The following VPS50 variants were observed in gnomAD, a reference collection of about 807,000 sequenced individuals.
VPS50 encodes the protein syndetin.
VPS50 carries 70 observed loss-of-function variants against 139.7 expected under a neutral mutation model. The observed-to-expected ratio is 0.50, with a 90% CI of 0.41 to 0.61. VPS50 has a LOEUF of 0.61. Among genes scored for constraint, VPS50 ranks in the 20% least tolerant of loss-of-function variants. The probability of loss-of-function intolerance (pLI) is 0.00; values close to 1 mark genes in which losing one functional copy is unlikely to be tolerated. For synonymous variants in VPS50, 365 were observed against 376.7 expected (o/e 0.97, Z 0.36); for missense variants, 921 against 1,133.7 (o/e 0.81, Z 2.69).
At position 93,309,891 on chromosome 7, in the gene VPS50, T is replaced by C. The variant is rs75394122; in HGVS notation, c.1748+949T>C. ...ATTCTTAATGATAAGTATATTCTTATCGTTTAACCCTAAGCTACCTATTTA... is the reference window on the plus strand; with the variant it reads ...ATTCTTAATGATAAGTATATTCTTACCGTTTAACCCTAAGCTACCTATTTA... On this transcript the variant is annotated intron_variant, in intron 19 of 27. Coordinates refer to ENST00000305866, the MANE Select transcript of VPS50 (RefSeq NM_017667.4). Among the ~76,000 whole-genome samples, 879 of 152,134 alleles carry C rather than the reference T, an allele frequency of 5.8e-3. 10 individuals are homozygous for C. Among genetic ancestry groups the C allele is most frequent in the African/African-American group, 0.02 (833 of 41,544 alleles).
At chr7:93,261,452 C>T (rs889838920) in intron 9 of VPS50, among the ~76,000 whole-genome samples, 2 of 151,864 alleles carry the variant, frequency 1.3e-5, no homozygotes, top group Admixed American at 6.6e-5. Context: ...CCGAGGCGGG[C>T]GGATCACGAG....
At chr7:93,306,329 T>A (rs556789642) in intron 18 of VPS50, among the ~76,000 whole-genome samples, 2 of 151,952 alleles carry the variant, frequency 1.3e-5, no homozygotes, top group African/African-American at 2.4e-5. Context: ...TGTGATATAT[T>A]GTGAGATGAC....
intron 8 of VPS50, among the ~76,000 whole-genome samples, chr7:93,258,734 T>C (rs561614840): frequency 6.6e-6 from 1 of 152,204 alleles, no homozygotes; most frequent in East Asian, 1.9e-4. Flanking sequence ...TTTAGTTTTG[T>C]TCAGTATCAT....
intron 20 of VPS50, among the ~76,000 whole-genome samples, chr7:93,317,344 G>A (rs574027022): frequency 6.6e-6 from 1 of 152,218 alleles, no homozygotes; most frequent in Admixed American, 6.5e-5. Flanking sequence ...AAGGTCAGGA[G>A]TTCAAGAGCA....
intron 18 of VPS50, among the ~76,000 whole-genome samples, chr7:93,307,674 A>T (rs1797155050): frequency 6.6e-6 from 1 of 151,972 alleles, no homozygotes. Context: ...TGTGGTCACA[A>T]ACCTCTGTTG....
intron 20 of VPS50, among the ~76,000 whole-genome samples, chr7:93,316,449 G>A (rs932073426): frequency 3.3e-5 from 5 of 152,172 alleles, no homozygotes; most frequent in Admixed American, 2.0e-4. Flanking sequence ...GCAGACTGTC[G>A]AAGTCTCCCA....
chr7:93,272,758 T>C (rs1269914395), intron 11 of VPS50, 25 bp downstream of exon 11: 1 of 1,093,844 alleles, frequency 9.1e-7, no homozygotes, highest in East Asian at 2.5e-5. Context: ...GATGTTTGGA[T>C]TTTTCCTTAA....
intron 1 of VPS50, among the ~76,000 whole-genome samples, chr7:93,239,652 T>C (rs1049264229): frequency 6.6e-5 from 10 of 152,168 alleles, no homozygotes; most frequent in African/African-American, 2.4e-4. Context: ...TATAATACTC[T>C]TTTATTTTAA....
chr7:93,303,602 C>A, intron 17 of VPS50, 52 bp downstream of exon 17: 2 of 770,846 alleles, frequency 2.6e-6, no homozygotes, highest in Middle Eastern at 2.7e-4. Context: ...TGTATTTTAC[C>A]CTTTTTTTTG....
At chr7:93,235,899 G>T (rs182789988) in intron 1 of VPS50, among the ~76,000 whole-genome samples, 133 of 152,330 alleles carry the variant, frequency 8.7e-4, no homozygotes, top group Non-Finnish European at 1.6e-3. Context: ...AAGATCACCA[G>T]TGGAATGAGT....
chr7:93,276,413 A>G, intron 12 of VPS50, 108 bp downstream of exon 12: 3 of 1,352,288 alleles, frequency 2.2e-6, no homozygotes, highest in Admixed American at 3.0e-5. Context: ...AAATAAAAAT[A>G]AATCTTTGCC....
At position 93,345,180 on chromosome 7, in the gene VPS50, T is replaced by A. The variant is rs1327014178; in HGVS notation, c.2208-3531T>A. ...CGATCCCACAGAAATACAAACTACC[T>A]TCAGAGAATACTACAAACACCTCTA... is the stretch of plus-strand genomic sequence containing the variant. On this transcript the variant is annotated intron_variant, in intron 23 of 27. Transcript: ENST00000305866. Among the ~76,000 whole-genome samples the A allele has an allele frequency of 6.6e-5, 10 of 152,170 alleles. No homozygotes were observed. The East Asian group carries it at 1.4e-3, about 21-fold the overall frequency.
chr7:93,239,878 C>A lies in VPS50; in HGVS notation c.46C>A (p.Pro16Thr). The change falls in exon 2 of 28, where the codon CCT becomes ACT. Residue 16 changes from proline to threonine, a missense_variant. Around this residue, in one of 3 missense-constraint regions of VPS50, gnomAD observed 744 missense variants for 930.6 expected, o/e 0.80. Transcript: ENST00000305866. The stretch of plus-strand genomic sequence containing the variant: ...TTATTTTTTTAAGGGTCTGAAAAGC[C>A]CTCAAGAAAGCCTCAGTGATCTTGG... ...SLMTRQGLKS[P>T]QESLSDLGAI... 1 of 1,600,062 alleles carries A rather than the reference C, an allele frequency of 6.2e-7. No homozygotes were observed. The highest frequency in any genetic ancestry group is 1.1e-5 in the South Asian group (1 of 90,788).
At chr7:93,310,880 A>T (rs146129232) in intron 19 of VPS50, among the ~76,000 whole-genome samples, 2 of 152,018 alleles carry the variant, frequency 1.3e-5, no homozygotes. Flanking sequence ...TTGCACCTAG[A>T]TGTATTATTA....
chr7:93,302,349 CTTTT>C (rs913194904), intron 16 of VPS50, among the ~76,000 whole-genome samples: 1 of 140,796 alleles, frequency 7.1e-6, no homozygotes, highest in Non-Finnish European at 1.6e-5. Context: ...CTGTTTCTTC[CTTTT>C]TTTTTTTCAA....
intron 24 of VPS50, among the ~76,000 whole-genome samples, chr7:93,349,219 G>T (rs1798489411): frequency 6.6e-6 from 1 of 152,130 alleles, no homozygotes; most frequent in Non-Finnish European, 1.5e-5. Context: ...TAGACAAAGG[G>T]AATGGCATGT....
At chr7:93,340,964 T>C (rs1164698837) in intron 22 of VPS50, 2 of 153,432 alleles carry the variant, frequency 1.3e-5, no homozygotes, top group African/African-American at 4.8e-5. Flanking sequence ...TTCTAGTTTA[T>C]AACTTCATTC....
At chr7:93,306,960 A>G (rs930602146) in intron 18 of VPS50, among the ~76,000 whole-genome samples, 2 of 151,888 alleles carry the variant, frequency 1.3e-5, no homozygotes, top group African/African-American at 4.8e-5. Flanking sequence ...ATTCTTTGTG[A>G]CATTTTGCCT....
In VPS50 at chr7:93,323,644, C is replaced by T. The variant is rs1011943056; in HGVS notation, c.1889C>T (p.Pro630Leu). The stretch of plus-strand genomic sequence containing the variant: ...ATGCAGATGATGAACATTCTTAAGC[C>T]AATTGCCTTTGATGTTATTCATTTC... ...KYMQMMNILK[P>L]IAFDVIHFMS... Residue 630 changes from proline to leucine, a missense_variant, in exon 21 of 28, where the codon CCA (proline) becomes CTA (leucine). Pro to Leu is a moderately conservative substitution (Grantham distance 98). Transcript: ENST00000305866. The T allele has an allele frequency of 2.2e-6, 3 of 1,353,744 alleles. No homozygotes were observed. In the Admixed American group the frequency reaches 7.4e-5, roughly 33 times the overall value. 83.9% of individuals were successfully genotyped at this position (1,353,744 alleles called of 1,614,324 possible).
Sources: gnomAD v4.1 joint callset for allele counts (sites outside exome capture counted in the v4.1 genomes callset) on GRCh38, gnomAD v4.1.1 for gene constraint, gnomAD v4.1.1 regional missense constraint, MANE v1.5 for transcripts, NCBI Gene and HGNC (gene_info 2026-07-23, HGNC 2026-07-21) for gene names.